The following TCERG1L variants were observed in gnomAD, a reference collection of about 807,000 sequenced individuals.
TCERG1L encodes transcription elongation regulator 1 like.
A neutral mutation model predicts 56.3 loss-of-function variants in TCERG1L; 37 were observed. The observed-to-expected ratio is 0.66, with a 90% CI of 0.51 to 0.87. TCERG1L has a LOEUF of 0.87. Ranked by LOEUF, TCERG1L falls within the 40% of genes least tolerant of loss-of-function variation. TCERG1L has a pLI of 0.00. For synonymous variants in TCERG1L, 324 were observed against 326.3 expected, an observed-to-expected ratio of 0.99 and a Z score of 0.08; for missense variants, 799 against 774.2, an observed-to-expected ratio of 1.03 and a Z score of -0.38.
intron 5 of TCERG1L, among the ~76,000 whole-genome samples, chr10:131,165,047 A>T (rs1846017160): frequency 6.6e-6 from 1 of 152,250 alleles, no homozygotes; most frequent in Non-Finnish European, 1.5e-5. Context: ...GAAGCATGAG[A>T]TTAGAACAAA....
chr10:131,197,185 A>ATTTTT lies in TCERG1L; in HGVS notation c.857-30305_857-30301dup, dbSNP rs11412949. ...GCCAAATAGTTTCCTTCTCTCCTCC[A>ATTTTT]TTTTTTTTTTGAGATGGAGTCTCAC... On this transcript the variant is annotated intron_variant, in intron 4 of 11. Transcript: ENST00000368642. Among the ~76,000 whole-genome samples the ATTTTT allele has an allele frequency of 2.4e-3, 356 of 148,686 alleles. 1 individual carries two copies. The highest frequency in any genetic ancestry group is 2.9e-3 in the Non-Finnish European group (196 of 67,316).
rs1175049620 is a variant in TCERG1L, at chr10:131,260,173, G to A, written c.856+86C>T. The A allele has an allele frequency of 1.6e-6, 2 of 1,249,130 alleles. No individual in the cohort carries two copies. The highest frequency in any genetic ancestry group is 3.1e-5 in the African/African-American group (2 of 64,718). 77.4% of individuals were successfully genotyped at this position (1,249,130 alleles called of 1,614,324 possible). ...CCGGGCTTCAGGTCCCACAGCGCCTGGGCCCAGGCCAGGGGCATCTAACCA... is the reference window on the plus strand; with the variant it reads ...CCGGGCTTCAGGTCCCACAGCGCCTAGGCCCAGGCCAGGGGCATCTAACCA... On this transcript the variant is annotated intron_variant, in intron 4 of 11. Transcript: ENST00000368642. This position sits in a 1 kb window ranked among gnomAD's most constrained non-coding sequence, Gnocchi z 5.8.
intron 4 of TCERG1L, among the ~76,000 whole-genome samples, chr10:131,212,924 C>T (rs1845632757): frequency 6.6e-6 from 1 of 152,230 alleles, no homozygotes; most frequent in Non-Finnish European, 1.5e-5. Context: ...GTGCTTCTTA[C>T]CCAGAGGTTC....
chr10:131,157,845 G>C (rs920953221), intron 6 of TCERG1L, among the ~76,000 whole-genome samples: 19 of 152,198 alleles, frequency 1.2e-4, no homozygotes, highest in African/African-American at 4.6e-4. Context: ...ATCCTTGAAA[G>C]TACTCAGCAG....
Position 131,309,087 on chromosome 10 carries a change from T to C in TCERG1L, c.489+66A>G. On this transcript the variant is annotated intron_variant, in intron 2 of 11. Transcript: ENST00000368642. ...GAAAATACATGGGTATTTTTGTTGT[T>C]ATGTCGATGTTCGACAACTTAATCA... 2.6e-6 allele frequency: 4 copies of C among 1,546,236 alleles called. No individual in the cohort carries two copies. The South Asian group carries it at 3.6e-5, about 14-fold the overall frequency.
chr10:131,308,338 C>T lies in TCERG1L; in HGVS notation c.543G>A (p.Glu181=), dbSNP rs918130442. 5 of 1,613,960 alleles carry T rather than the reference C, an allele frequency of 3.1e-6. No homozygotes were observed. Among genetic ancestry groups the T allele is most frequent in the Non-Finnish European group, 4.2e-6 (5 of 1,179,896 alleles). ...TTTCATGCCCATGGAAAAACCTTGACTCCTCAGGATGTATCCACGTTGAGT... is the reference window on the plus strand; with the variant it reads ...TTTCATGCCCATGGAAAAACCTTGATTCCTCAGGATGTATCCACGTTGAGT... The part of the protein sequence containing the change: ...ALDSTWIHPE[E]SRFFHGHEKP... The change falls in exon 3 of 12, where the codon GAG becomes GAA. Residue 181 remains glutamate (E), a synonymous_variant. Transcript: ENST00000368642.
At chr10:131,147,661 C>G (rs1845813396) in intron 6 of TCERG1L, among the ~76,000 whole-genome samples, 1 of 152,248 alleles carries the variant, frequency 6.6e-6, no homozygotes, top group Admixed American at 6.5e-5. Context: ...TTCAGAAGGT[C>G]CCTCTGGCTC....
chr10:131,213,871 C>G (rs952618279), intron 4 of TCERG1L, among the ~76,000 whole-genome samples: 1 of 152,204 alleles, frequency 6.6e-6, no homozygotes, highest in Non-Finnish European at 1.5e-5. Flanking sequence ...GCCCTAGCCA[C>G]GGCCCAGCAG....
In TCERG1L at chr10:131,260,489, C is replaced by T; in HGVS notation, c.671-45G>A. 5.9e-6 allele frequency: 8 copies of T among 1,350,496 alleles called. No individual in the cohort carries two copies. Among genetic ancestry groups the T allele is most frequent in the Non-Finnish European group, 7.6e-6 (8 of 1,047,446 alleles). The allele number at this position is 1,350,496 out of a possible 1,614,324, so 83.7% of individuals were successfully genotyped here. The stretch of plus-strand genomic sequence containing the variant: ...AGGGTCAGCAAGGGGACGACCAGGG[C>T]CATGGGTGACAGATGCCCATCTCGC... On this transcript the variant is annotated intron_variant, in intron 3 of 11. Coordinates refer to ENST00000368642, the MANE Select transcript of TCERG1L (RefSeq NM_174937.4). This position sits in a 1 kb window ranked among gnomAD's most constrained non-coding sequence, Gnocchi z 5.8.
intron 4 of TCERG1L, among the ~76,000 whole-genome samples, chr10:131,189,511 A>C (rs2133460881): frequency 6.6e-6 from 1 of 152,222 alleles, no homozygotes; most frequent in African/African-American, 2.4e-5. Context: ...ACATGATTTT[A>C]TTATTTTTTA....
At chr10:131,093,499 G>A (rs1845204591) in intron 11 of TCERG1L, among the ~76,000 whole-genome samples, 181 bp from the exon 12 acceptor site, 1 of 152,074 alleles carries the variant, frequency 6.6e-6, no homozygotes, top group Non-Finnish European at 1.5e-5. Flanking sequence ...CCCGGGTCCT[G>A]CAGGGCCCTG....
intron 7 of TCERG1L, among the ~76,000 whole-genome samples, chr10:131,144,179 T>C (rs898616441): frequency 1.3e-5 from 2 of 152,192 alleles, no homozygotes; most frequent in East Asian, 1.9e-4. Flanking sequence ...TGAAAAATAA[T>C]GGATGTCGAC....
chr10:131,143,211 T>A (rs1490181879), intron 7 of TCERG1L, among the ~76,000 whole-genome samples: 1 of 152,194 alleles, frequency 6.6e-6, no homozygotes, highest in African/African-American at 2.4e-5. Flanking sequence ...TGCATGGGAC[T>A]GAGGAGGGAA....
At chr10:131,169,919 A>T (rs1172341677) in intron 4 of TCERG1L, among the ~76,000 whole-genome samples, 1 of 145,688 alleles carries the variant, frequency 6.9e-6, no homozygotes, top group Non-Finnish European at 1.5e-5. Context: ...GATATTTTTC[A>T]TATTGAAAAC....
rs531995853 is a variant in TCERG1L at position 131,240,020 on chromosome 10, C to T, written c.856+20239G>A. On this transcript the variant is annotated intron_variant, in intron 4 of 11. Coordinates refer to ENST00000368642, the MANE Select transcript of TCERG1L (RefSeq NM_174937.4). ...CCCGTGGTTTCAGGAAATGGGTCAT[C>T]TGGGCTTGGTGAAGAAGCCCTTCTC... 9.2e-5 allele frequency among the ~76,000 whole-genome samples: 14 copies of T among 152,304 alleles called. No individual in the cohort carries two copies. The South Asian group carries it at 2.9e-3, about 32-fold the overall frequency.
Position 131,111,687 on chromosome 10 carries a change from C to CACG in TCERG1L, c.1395+5111_1395+5112insCGT. On this transcript the variant is annotated intron_variant, in intron 9 of 11. Transcript: ENST00000368642. ...CACAGCCTGACCTTCCCCTCGTCCA[C>CACG]GCCCCGTGGGCAGAGGACAGGCTGC... Among the ~76,000 whole-genome samples the CACG allele has an allele frequency of 2.1e-5, 3 of 143,026 alleles. 1 individual carries two copies. 93.8% of individuals were successfully genotyped at this position (143,026 alleles called of 152,430 possible). A position where few individuals can be genotyped will look rare whatever the true frequency, so the allele number is the denominator to read the frequency against.
intron 4 of TCERG1L, among the ~76,000 whole-genome samples, chr10:131,246,758 C>A (rs994516777): frequency 5.9e-5 from 9 of 152,186 alleles, no homozygotes; most frequent in African/African-American, 2.2e-4. Context: ...CACCTTCCAG[C>A]CTTGAGGCTG....
At chr10:131,166,058 A>G (rs1488963928) in intron 5 of TCERG1L, among the ~76,000 whole-genome samples, 2 of 152,220 alleles carry the variant, frequency 1.3e-5, no homozygotes, top group African/African-American at 4.8e-5. Flanking sequence ...AATTTTCACC[A>G]CTGAACACCT....
At chr10:131,247,465 C>G (rs1427878894) in intron 4 of TCERG1L, among the ~76,000 whole-genome samples, 1 of 152,162 alleles carries the variant, frequency 6.6e-6, no homozygotes, top group Non-Finnish European at 1.5e-5. Flanking sequence ...CCTTAAGTGT[C>G]CTCAGTCAAG....
Sources: gnomAD v4.1 joint callset for allele counts (sites outside exome capture counted in the v4.1 genomes callset) on GRCh38, gnomAD v4.1.1 for gene constraint, Gnocchi (gnomAD v3.1) non-coding constraint, MANE v1.5 for transcripts, NCBI Gene and HGNC (gene_info 2026-07-23, HGNC 2026-07-21) for gene names.